Variants in CACNA2D3 observed in about 807,000 individuals in gnomAD.
The protein encoded by CACNA2D3 is voltage-dependent calcium channel subunit alpha-2/delta-3.
In CACNA2D3, 60 loss-of-function variants were observed where a neutral mutation model predicts 160.6. The observed-to-expected ratio is 0.37, with a 90% CI of 0.30 to 0.46. CACNA2D3 has a LOEUF of 0.46. Ranked by LOEUF, CACNA2D3 falls within the 20% of genes least tolerant of loss-of-function variation. CACNA2D3 has a pLI of 1.00. For synonymous variants in CACNA2D3, 558 were observed against 492.9 expected, an observed-to-expected ratio of 1.13 and a Z score of -1.75; for missense variants, 1,205 against 1,365.0, an observed-to-expected ratio of 0.88 and a Z score of 1.85.
intron 17 of CACNA2D3, among the ~76,000 whole-genome samples, chr3:54,847,720 T>C (rs1698966512): frequency 6.6e-6 from 1 of 152,238 alleles, no homozygotes; most frequent in Admixed American, 6.5e-5. Flanking sequence ...TAACTCAGAA[T>C]TATTGAAAAG....
intron 3 of CACNA2D3, among the ~76,000 whole-genome samples, chr3:54,372,261 T>C (rs1553639097): frequency 2.6e-5 from 4 of 152,238 alleles, no homozygotes; most frequent in Non-Finnish European, 5.9e-5. Flanking sequence ...CTGTCTTAAC[T>C]CACAAAGTGG....
intron 2 of CACNA2D3, among the ~76,000 whole-genome samples, chr3:54,158,861 A>T (rs1700289442): frequency 6.6e-6 from 1 of 152,156 alleles, no homozygotes. Flanking sequence ...CAAATATTTC[A>T]TTTGTCCTAC....
chr3:54,631,271 T>A (rs1310407764), intron 10 of CACNA2D3, among the ~76,000 whole-genome samples: 1 of 150,886 alleles, frequency 6.6e-6, no homozygotes, highest in East Asian at 2.0e-4. Flanking sequence ...AGCTTGAGAT[T>A]GGTTGGCGAT....
At chr3:54,701,453 A>G (rs960041423) in intron 11 of CACNA2D3, among the ~76,000 whole-genome samples, 5 of 152,172 alleles carry the variant, frequency 3.3e-5, no homozygotes, top group Admixed American at 2.6e-4. Flanking sequence ...GATGTGCTTG[A>G]AAGATGTAAA....
At chr3:54,997,556 A>AC (rs757459179) in intron 31 of CACNA2D3, among the ~76,000 whole-genome samples, 15 of 120,996 alleles carry the variant, frequency 1.2e-4, no homozygotes, top group Admixed American at 1.7e-4. Context: ...ACCCACCCCC[A>AC]CCCAAAAAAA....
intron 9 of CACNA2D3, among the ~76,000 whole-genome samples, chr3:54,607,000 AT>A (rs1698641127): frequency 6.6e-6 from 1 of 152,090 alleles, no homozygotes; most frequent in Admixed American, 6.5e-5. Flanking sequence ...TGAGAAACAT[AT>A]TTTTTAATTT....
At chr3:54,798,792 C>G (rs1174929294) in intron 13 of CACNA2D3, among the ~76,000 whole-genome samples, 2 of 152,164 alleles carry the variant, frequency 1.3e-5, no homozygotes, top group Admixed American at 6.5e-5. Context: ...TTTCAGCACA[C>G]AAGAGTTTTT....
chr3:54,222,060 T>C (rs1366246474), intron 2 of CACNA2D3, among the ~76,000 whole-genome samples: 1 of 152,186 alleles, frequency 6.6e-6, no homozygotes, highest in Non-Finnish European at 1.5e-5. Context: ...GATGCAGAAC[T>C]TGCAGATACA....
At chr3:54,886,675 CATTA>C (rs1699932141) in intron 23 of CACNA2D3, among the ~76,000 whole-genome samples, 1 of 151,784 alleles carries the variant, frequency 6.6e-6, no homozygotes, top group African/African-American at 2.4e-5. Flanking sequence ...CAATATGTAG[CATTA>C]ATTTTATTAT....
chr3:55,005,827 C>T (rs1272511403), intron 32 of CACNA2D3, among the ~76,000 whole-genome samples: 1 of 152,148 alleles, frequency 6.6e-6, no homozygotes, highest in African/African-American at 2.4e-5. Flanking sequence ...AAATATAACC[C>T]TTACAATGTT....
chr3:54,283,936 G>A (rs1003903459), intron 2 of CACNA2D3, among the ~76,000 whole-genome samples: 40 of 152,050 alleles, frequency 2.6e-4, no homozygotes, highest in Admixed American at 7.2e-4. Flanking sequence ...GGAGTGCGTG[G>A]CTGTAGTCCC....
chr3:54,940,355 A>T (rs1157450828), intron 27 of CACNA2D3, among the ~76,000 whole-genome samples: 1 of 152,252 alleles, frequency 6.6e-6, no homozygotes, highest in Admixed American at 6.5e-5. Flanking sequence ...GTAGTATAGT[A>T]TACTTTGATG....
intron 21 of CACNA2D3, among the ~76,000 whole-genome samples, chr3:54,883,244 G>A (rs918661352): frequency 1.3e-5 from 2 of 152,132 alleles, no homozygotes; most frequent in African/African-American, 2.4e-5. Context: ...GACTGGTCTC[G>A]AACTCCTGAC....
At chr3:54,591,632 A>G (rs943795595) in intron 9 of CACNA2D3, among the ~76,000 whole-genome samples, 4 of 150,200 alleles carry the variant, frequency 2.7e-5, no homozygotes, top group Admixed American at 6.7e-5. Flanking sequence ...AAAAGCATCA[A>G]ACTCATTACA....
intron 27 of CACNA2D3, among the ~76,000 whole-genome samples, chr3:54,934,334 C>T (rs534689163): frequency 7.9e-5 from 12 of 152,242 alleles, no homozygotes; most frequent in African/African-American, 2.4e-4. Context: ...CCTCTTGAGC[C>T]GTTCAGTGGA....
At chr3:54,145,259 G>T (rs2107273049) in intron 2 of CACNA2D3, among the ~76,000 whole-genome samples, 1 of 152,280 alleles carries the variant, frequency 6.6e-6, no homozygotes, top group South Asian at 2.1e-4. Context: ...TATGTAATGG[G>T]GTCTAAACCC....
chr3:54,837,196 T>C lies in CACNA2D3; in HGVS notation c.1436T>C (p.Val479Ala). Residue 479 changes from valine to alanine, a missense_variant, in exon 15 of 38, where the codon GTA (valine) becomes GCA (alanine). By Grantham distance (64) the Val-to-Ala change is moderately conservative (BLOSUM62 0). Around this residue, in one of 3 missense-constraint regions of CACNA2D3, gnomAD observed 911 missense variants for 1,002.2 expected, o/e 0.91. Coordinates refer to ENST00000474759, the MANE Select transcript of CACNA2D3 (RefSeq NM_018398.3). ...DDQGPVLMTT[V>A]AMPVFSKQNE... ...CAGGGCCCCGTCCTGATGACCACTGTAGCCATGCCTGTGTTTAGTAAGCAG... is the reference window on the plus strand; with the variant it reads ...CAGGGCCCCGTCCTGATGACCACTGCAGCCATGCCTGTGTTTAGTAAGCAG... The C allele has an allele frequency of 1.9e-6, 3 of 1,614,008 alleles. No homozygotes were observed. The highest frequency in any genetic ancestry group is 2.5e-6 in the Non-Finnish European group (3 of 1,179,862).
Position 54,752,581 on chromosome 3 carries a change from C to G in CACNA2D3, c.1168-18C>G, listed in dbSNP as rs773480701. On this transcript the variant is annotated intron_variant, in intron 11 of 37. Transcript: ENST00000474759. ...GAAAAGTGAATGCCGCTCAGCCATGCGTTTGTCTTCCCTTCAGGTTCGCAT... is the reference window on the plus strand; with the variant it reads ...GAAAAGTGAATGCCGCTCAGCCATGGGTTTGTCTTCCCTTCAGGTTCGCAT... 1 of 1,601,410 alleles carries G rather than the reference C, an allele frequency of 6.2e-7. No homozygotes were observed. Among genetic ancestry groups the G allele is most frequent in the Non-Finnish European group, 8.5e-7 (1 of 1,169,754 alleles).
At chr3:54,871,020 A>G (rs1471466422) in intron 17 of CACNA2D3, among the ~76,000 whole-genome samples, 1 of 150,604 alleles carries the variant, frequency 6.6e-6, no homozygotes, top group Non-Finnish European at 1.5e-5. Flanking sequence ...CGTATCACGG[A>G]CTGAGTTTTA....
Sources: gnomAD v4.1 joint callset for allele counts (sites outside exome capture counted in the v4.1 genomes callset) on GRCh38, gnomAD v4.1.1 for gene constraint, gnomAD v4.1.1 regional missense constraint, MANE v1.5 for transcripts, NCBI Gene and HGNC (gene_info 2026-07-23, HGNC 2026-07-21) for gene names.